PRORP: variants seen among roughly 807,000 people sequenced by gnomAD.
The protein encoded by PRORP is mitochondrial ribonuclease P catalytic subunit.
A neutral mutation model predicts 59.4 loss-of-function variants in PRORP; 51 were observed. The observed-to-expected ratio is 0.86, with a 90% CI of 0.69 to 1.08. The LOEUF is 1.08. Ranked by LOEUF, PRORP falls within the 50% of genes least tolerant of loss-of-function variation. The pLI, the probability that PRORP is intolerant of heterozygous loss-of-function variation, is 0.00. For missense variants in PRORP, 646 were observed against 690.3 expected (o/e 0.94, Z 0.72); for synonymous variants, 231 against 245.6 (o/e 0.94, Z 0.55).
chr14:35,266,638 C>A, intron 5 of PRORP, 89 bp from the exon 6 acceptor site: 2 of 1,372,156 alleles, frequency 1.5e-6, no homozygotes, highest in Non-Finnish European at 2.0e-6. Context: ...AAGAGTGCTT[C>A]ACCATTGAGG....
chr14:35,206,363 G>A (rs990878840), intron 5 of PRORP, among the ~76,000 whole-genome samples: 28 of 152,156 alleles, frequency 1.8e-4, no homozygotes, highest in African/African-American at 6.5e-4. Context: ...TTCCCATGGT[G>A]AGAATGTGGC....
chr14:35,123,770 C>G lies in PRORP; in HGVS notation c.525C>G (p.Tyr175Ter). ...VAAKNNGIVS[Y>*]DLLVKYLYLC... The stretch of plus-strand genomic sequence containing the variant: ...CCAAAAATAATGGTATTGTAAGTTA[C>G]GATTTACTGGTCAAGTATTTGTATC... The change falls in exon 2 of 8, where the codon TAC becomes TAG. Residue 175 changes from tyrosine to a stop codon, truncating the protein, a stop_gained. Coordinates refer to ENST00000534898, the MANE Select transcript of PRORP (RefSeq NM_014672.4). LOFTEE classifies it high-confidence loss of function. The G allele has an allele frequency of 6.2e-7, 1 of 1,614,126 alleles. No homozygotes were observed. The highest frequency in any genetic ancestry group is 1.1e-5 in the South Asian group (1 of 91,086).
chr14:35,189,602 G>T (rs2048832079), intron 5 of PRORP, among the ~76,000 whole-genome samples: 1 of 152,090 alleles, frequency 6.6e-6, no homozygotes, highest in South Asian at 2.1e-4. Flanking sequence ...TTTAAGCTGT[G>T]AGGATATGAC....
intron 4 of PRORP, among the ~76,000 whole-genome samples, chr14:35,156,597 A>G (rs1381350703): frequency 6.6e-6 from 1 of 152,250 alleles, no homozygotes; most frequent in African/African-American, 2.4e-5. Flanking sequence ...ATTCTTTGCA[A>G]GCTGACTGAA....
At chr14:35,162,088 A>T (rs10146133) in intron 4 of PRORP, among the ~76,000 whole-genome samples, 6,113 of 152,022 alleles carry the variant, frequency 0.04, 301 homozygotes, top group African/African-American at 0.11. Flanking sequence ...TTCTAGCTGT[A>T]TGGAATGACC....
intron 3 of PRORP, among the ~76,000 whole-genome samples, 167 bp downstream of exon 3, chr14:35,126,949 C>T (rs2047113656): frequency 6.6e-6 from 1 of 152,074 alleles, no homozygotes; most frequent in Non-Finnish European, 1.5e-5. Flanking sequence ...TTAGCAGTGC[C>T]CAAAATGTTT....
intron 7 of PRORP, among the ~76,000 whole-genome samples, chr14:35,271,105 T>G (rs1196178210): frequency 6.7e-6 from 1 of 149,576 alleles, no homozygotes; most frequent in African/African-American, 2.5e-5. Context: ...AAAACAACAT[T>G]TAGGATATAC....
chr14:35,132,220 G>A (rs2047260097), intron 4 of PRORP, among the ~76,000 whole-genome samples: 2 of 151,776 alleles, frequency 1.3e-5, no homozygotes, highest in South Asian at 4.2e-4. Flanking sequence ...CACTTTGGGA[G>A]GCTGAGGTGG....
At chr14:35,205,892 C>T (rs1344321631) in intron 5 of PRORP, among the ~76,000 whole-genome samples, 1 of 152,140 alleles carries the variant, frequency 6.6e-6, no homozygotes, top group African/African-American at 2.4e-5. Context: ...CTACCCCTGC[C>T]ACCAAGTCCT....
Position 35,236,456 on chromosome 14 carries a change from C to T in PRORP, c.1276-30271C>T, listed in dbSNP as rs532928668. Among the ~76,000 whole-genome samples, 8 of 152,314 alleles carry T rather than the reference C, an allele frequency of 5.3e-5. 1 individual carries two copies. In the South Asian group the frequency reaches 1.5e-3, roughly 28 times the overall value. The stretch of plus-strand genomic sequence containing the variant: ...TTGCTACCCATTTGCTCCCTAACCC[C>T]TAAGCCCACTGAAGTCTGGCTTAGT... On this transcript the variant is annotated intron_variant, in intron 5 of 7. Transcript: ENST00000534898.
intron 4 of PRORP, among the ~76,000 whole-genome samples, chr14:35,164,236 C>A (rs2048128363): frequency 6.6e-6 from 1 of 152,188 alleles, no homozygotes; most frequent in South Asian, 2.1e-4. Context: ...TTGGAGATTT[C>A]TCAAATAACT....
intron 5 of PRORP, among the ~76,000 whole-genome samples, chr14:35,230,406 T>C (rs906163077): frequency 3.3e-5 from 5 of 152,208 alleles, no homozygotes; most frequent in African/African-American, 1.2e-4. Flanking sequence ...AGCTTTCAAA[T>C]ATGATTTCAT....
chr14:35,156,615 T>C (rs2047919172), intron 4 of PRORP, among the ~76,000 whole-genome samples: 1 of 152,230 alleles, frequency 6.6e-6, no homozygotes, highest in Non-Finnish European at 1.5e-5. Context: ...GAAAAACCAC[T>C]AATGGCAAAA....
intron 5 of PRORP, among the ~76,000 whole-genome samples, chr14:35,211,301 T>A (rs1024663472): frequency 2.6e-5 from 4 of 152,202 alleles, no homozygotes; most frequent in African/African-American, 4.8e-5. Flanking sequence ...TTTGTTTTTG[T>A]TTACTGACAG....
intron 4 of PRORP, among the ~76,000 whole-genome samples, chr14:35,162,001 T>C (rs1331775364): frequency 1.3e-5 from 2 of 152,142 alleles, no homozygotes; most frequent in Non-Finnish European, 2.9e-5. Context: ...GGCTATCATT[T>C]TATATTTCTA....
intron 5 of PRORP, among the ~76,000 whole-genome samples, chr14:35,207,166 C>A (rs558379308): frequency 6.6e-6 from 1 of 152,096 alleles, no homozygotes; most frequent in South Asian, 2.1e-4. Flanking sequence ...ATTTACCTGG[C>A]GATGCCGGAG....
At chr14:35,263,027 T>G in intron 5 of PRORP, 1 of 1,584,490 alleles carries the variant, frequency 6.3e-7, no homozygotes, top group East Asian at 2.2e-5. Context: ...TTCAGCCGGC[T>G]GATGAATAAG....
chr14:35,258,713 G>T (rs571396769), intron 5 of PRORP, among the ~76,000 whole-genome samples: 1 of 152,256 alleles, frequency 6.6e-6, no homozygotes, highest in South Asian at 2.1e-4. Flanking sequence ...TGGGTACTCA[G>T]GAGGTATTAG....
chr14:35,183,316 C>T (rs898222948), intron 5 of PRORP, among the ~76,000 whole-genome samples: 24 of 151,852 alleles, frequency 1.6e-4, no homozygotes, highest in African/African-American at 2.4e-5. Context: ...ATTGAGAGGA[C>T]TTCTGGTTTT....
Sources: gnomAD v4.1 joint callset for allele counts (sites outside exome capture counted in the v4.1 genomes callset) on GRCh38, gnomAD v4.1.1 for gene constraint, MANE v1.5 for transcripts, NCBI Gene and HGNC (gene_info 2026-07-23, HGNC 2026-07-21) for gene names.